Variants in LIPA observed in about 807,000 individuals in gnomAD.
LIPA encodes lipase A, lysosomal acid type, also known as lysosomal acid lipase/cholesteryl ester hydrolase.
In LIPA, 26 loss-of-function variants were observed where a neutral mutation model predicts 40.6. That is an observed-to-expected ratio of 0.64 (90% CI 0.47 to 0.89). The LOEUF is 0.89. Ranked by LOEUF, LIPA falls within the 40% of genes least tolerant of loss-of-function variation. The probability of loss-of-function intolerance (pLI) is 0.00; values close to 1 mark genes in which losing one functional copy is unlikely to be tolerated. For missense variants in LIPA, 455 were observed against 479.6 expected (o/e 0.95, Z 0.48); for synonymous variants, 188 against 168.4 (o/e 1.12, Z -0.90).
chr10:89,248,383 G>T (rs1431540134), intron 1 of LIPA, among the ~76,000 whole-genome samples: 1 of 150,446 alleles, frequency 6.6e-6, no homozygotes, highest in African/African-American at 2.4e-5. Context: ...GCTGGTCTCA[G>T]ATGACTTCGT....
At chr10:89,277,338 G>C (rs1345945548) in intron 1 of LIPA, among the ~76,000 whole-genome samples, 1 of 152,180 alleles carries the variant, frequency 6.6e-6, no homozygotes, top group East Asian at 1.9e-4. Flanking sequence ...TATTTAAAAA[G>C]CAGATAATCA....
chr10:89,363,035 A>G (rs1019989312), intron 2 of LIPA: 8 of 238,520 alleles, frequency 3.4e-5, no homozygotes, highest in African/African-American at 1.8e-4. Flanking sequence ...AAAAAGCTCT[A>G]ATCAGTATGT....
chr10:89,389,686 T>C (rs968050376), intron 2 of LIPA, among the ~76,000 whole-genome samples: 1 of 152,210 alleles, frequency 6.6e-6, no homozygotes, highest in Non-Finnish European at 1.5e-5. Context: ...CATATTATCA[T>C]ATTATAATTT....
intron 2 of LIPA, among the ~76,000 whole-genome samples, chr10:89,385,552 C>T (rs1024754957): frequency 1.3e-5 from 2 of 152,296 alleles, no homozygotes; most frequent in East Asian, 1.9e-4. Context: ...GGTTTCTGTT[C>T]CATGTGGCCA....
At chr10:89,253,391 A>G (rs562971071), upstream of LIPA, among the ~76,000 whole-genome samples, 1 of 152,346 alleles carries the variant, frequency 6.6e-6, no homozygotes, top group East Asian at 1.9e-4. Context: ...AGAACCAAGT[A>G]AAAGGATTTT....
intron 2 of LIPA, among the ~76,000 whole-genome samples, chr10:89,407,739 G>A (rs1841434906): frequency 6.6e-6 from 1 of 152,144 alleles, no homozygotes; most frequent in Admixed American, 6.5e-5. Flanking sequence ...GACTCTAACA[G>A]GTTTTAGAGA....
chr10:89,302,350 T>G (rs1349307043), intron 1 of LIPA, among the ~76,000 whole-genome samples: 1 of 151,980 alleles, frequency 6.6e-6, no homozygotes, highest in Non-Finnish European at 1.5e-5. Flanking sequence ...TAAATTCATC[T>G]CCAGAACTGC....
intron 3 of LIPA, among the ~76,000 whole-genome samples, chr10:89,243,391 C>A (rs1842985714): frequency 6.6e-6 from 1 of 152,156 alleles, no homozygotes; most frequent in South Asian, 2.1e-4. Flanking sequence ...GTATGACATA[C>A]ACATCAGTGA....
chr10:89,399,356 C>A (rs1472282928), intron 2 of LIPA, among the ~76,000 whole-genome samples: 1 of 152,122 alleles, frequency 6.6e-6, no homozygotes, highest in African/African-American at 2.4e-5. Context: ...TCCTTCCATG[C>A]ATAAAAGTTT....
At chr10:89,383,557 AT>A in intron 2 of LIPA, 22 of 1,614,238 alleles carry the variant, frequency 1.4e-5, no homozygotes, top group Non-Finnish European at 1.9e-5. Context: ...TGAAGACTTA[AT>A]TCAGAAAGAA....
chr10:89,306,394 G>T, intron 1 of LIPA: 1 of 1,614,160 alleles, frequency 6.2e-7, no homozygotes, highest in Non-Finnish European at 8.5e-7. Flanking sequence ...GGTGGACACG[G>T]TTAAAGTGTG....
chr10:89,264,797 T>G (rs2095051), intron 1 of LIPA, among the ~76,000 whole-genome samples: 2 of 152,102 alleles, frequency 1.3e-5, no homozygotes, highest in African/African-American at 4.8e-5. Context: ...CTGGAACTGA[T>G]AGGTTGGCCC....
chr10:89,299,742 T>G (rs1843434701), intron 1 of LIPA, among the ~76,000 whole-genome samples: 1 of 151,362 alleles, frequency 6.6e-6, no homozygotes, highest in African/African-American at 2.4e-5. Flanking sequence ...CCAGTTAGTA[T>G]GGCTATTATT....
chr10:89,331,745 T>A (rs1843653659), intron 1 of LIPA, among the ~76,000 whole-genome samples: 1 of 150,232 alleles, frequency 6.7e-6, no homozygotes, highest in Non-Finnish European at 1.5e-5. Flanking sequence ...TATAGTCTCA[T>A]TGACTGGAGA....
intron 2 of LIPA, chr10:89,383,292 G>T: frequency 6.4e-7 from 1 of 1,572,876 alleles, no homozygotes. Context: ...TTCTCAAAAT[G>T]TAATTAATTG....
At chr10:89,283,870 G>A (rs1186401321) in intron 1 of LIPA, 1 of 152,220 alleles carries the variant, frequency 6.6e-6, no homozygotes, top group African/African-American at 2.4e-5. Context: ...CACCAGTGCA[G>A]CGCCCAGCCT....
At chr10:89,265,107 G>T (rs1307566329) in intron 1 of LIPA, among the ~76,000 whole-genome samples, 2 of 151,894 alleles carry the variant, frequency 1.3e-5, no homozygotes, top group Non-Finnish European at 2.9e-5. Flanking sequence ...CCTAGGCTTG[G>T]CCACAACTTT....
At chr10:89,368,456 T>A (rs978064770) in intron 2 of LIPA, among the ~76,000 whole-genome samples, 8 of 152,178 alleles carry the variant, frequency 5.3e-5, no homozygotes, top group African/African-American at 1.9e-4. Flanking sequence ...TCCACAAACA[T>A]GCTCAGCAGA....
intron 2 of LIPA, among the ~76,000 whole-genome samples, chr10:89,407,438 A>G (rs1841429168): frequency 6.6e-6 from 1 of 152,076 alleles, no homozygotes; most frequent in South Asian, 2.1e-4. Context: ...AGGCTCACCA[A>G]TGAGAAAGAC....
Sources: gnomAD v4.1 joint callset for allele counts (sites outside exome capture counted in the v4.1 genomes callset) on GRCh38, gnomAD v4.1.1 for gene constraint, MANE v1.5 for transcripts, NCBI Gene and HGNC (gene_info 2026-07-23, HGNC 2026-07-21) for gene names.